Variants in RARB observed in about 807,000 individuals in gnomAD.
RARB encodes the protein HBV-activated protein.
RARB carries 17 observed loss-of-function variants against 51.9 expected under a neutral mutation model. The ratio of observed to expected loss-of-function variants is 0.33; its 90% CI spans 0.22 to 0.49. The LOEUF is 0.49. RARB is among the 20% of genes least tolerant of loss of function. RARB has a pLI of 0.99. For synonymous variants in RARB, 215 were observed against 195.4 expected (o/e 1.10, Z -0.84); for missense variants, 369 against 550.8 (o/e 0.67, Z 3.30).
intron 2 of RARB, among the ~76,000 whole-genome samples, chr3:24,967,423 TA>T (rs1272201334): frequency 6.6e-6 from 1 of 152,150 alleles, no homozygotes; most frequent in African/African-American, 2.4e-5. Flanking sequence ...AGCCGTTTTG[TA>T]AATTTGTCTC....
intron 5 of RARB, among the ~76,000 whole-genome samples, chr3:25,338,017 C>A (rs1410165688): frequency 1.3e-5 from 2 of 151,102 alleles, no homozygotes; most frequent in Admixed American, 6.6e-5. Context: ...CTATATCTTT[C>A]ACTGAACCAC....
chr3:25,039,617 G>C (rs1277158697), intron 2 of RARB, among the ~76,000 whole-genome samples: 1 of 152,176 alleles, frequency 6.6e-6, no homozygotes, highest in Non-Finnish European at 1.5e-5. Flanking sequence ...TAAAAATAAT[G>C]AAAAAGCTAA....
intron 5 of RARB, among the ~76,000 whole-genome samples, chr3:25,307,386 CAA>C (rs572540162): frequency 2.6e-4 from 33 of 127,088 alleles, no homozygotes; most frequent in African/African-American, 8.1e-4. Flanking sequence ...AACTCTGTCT[CAA>C]AAAAAAAAAA....
rs192281590 is a variant in RARB at position 25,575,881 on chromosome 3, G to C, written c.610-4665G>C. Among the ~76,000 whole-genome samples the C allele has an allele frequency of 3.7e-4, 57 of 152,290 alleles. 1 individual carries two copies. The East Asian group carries it at 0.01, about 27-fold the overall frequency. Reference sequence around the variant, plus strand: ...AGTAACACCTAGTGAGTGCAGAACTGGAGTGCATGGATGTTACCTTTCCAT... The same window carrying C: ...AGTAACACCTAGTGAGTGCAGAACTCGAGTGCATGGATGTTACCTTTCCAT... On this transcript the variant is annotated intron_variant, in intron 4 of 7. Coordinates refer to ENST00000330688, the MANE Select transcript of RARB (RefSeq NM_000965.5).
At chr3:24,975,608 A>C (rs1252308441) in intron 2 of RARB, among the ~76,000 whole-genome samples, 1 of 152,030 alleles carries the variant, frequency 6.6e-6, no homozygotes, top group Admixed American at 6.6e-5. Context: ...AGACTTAACT[A>C]GTTGGTTCTA....
chr3:25,171,722 C>T (rs893153483), intron 4 of RARB, among the ~76,000 whole-genome samples: 1 of 146,938 alleles, frequency 6.8e-6, no homozygotes, highest in Non-Finnish European at 1.5e-5. Flanking sequence ...TCAGCTCCAC[C>T]AGTTAATGAG....
At chr3:25,256,685 A>C (rs1032227540) in intron 5 of RARB, among the ~76,000 whole-genome samples, 24 of 152,150 alleles carry the variant, frequency 1.6e-4, no homozygotes, top group Admixed American at 1.1e-3. Flanking sequence ...GAAGGGTGTC[A>C]TAAATGAAAT....
chr3:25,337,263 A>G lies in RARB; in HGVS notation c.179-123930A>G, dbSNP rs182883764. On this transcript the variant is annotated intron_variant, in intron 5 of 11. Coordinates refer to the RARB transcript ENST00000383772. ...ACATTCACTACAGAATAGCAAGGCAAAATATTCCATGGATCAACAATAATT... is the reference window on the plus strand; with the variant it reads ...ACATTCACTACAGAATAGCAAGGCAGAATATTCCATGGATCAACAATAATT... Among the ~76,000 whole-genome samples the G allele has an allele frequency of 2.2e-4, 34 of 152,306 alleles. No homozygotes were observed. In the East Asian group the frequency reaches 6.0e-3, roughly 27 times the overall value.
At chr3:24,918,611 A>G (rs1232622283) in intron 2 of RARB, among the ~76,000 whole-genome samples, 1 of 152,202 alleles carries the variant, frequency 6.6e-6, no homozygotes, top group Non-Finnish European at 1.5e-5. Context: ...GGCTGGGCAC[A>G]GTGGCTCGCA....
intron 3 of RARB, among the ~76,000 whole-genome samples, chr3:25,123,857 A>G (rs1185936910): frequency 2.0e-5 from 3 of 152,174 alleles, no homozygotes; most frequent in Non-Finnish European, 4.4e-5. Flanking sequence ...CTATGGGAGA[A>G]GCTCATTTCC....
chr3:25,011,374 G>A (rs1045042895), intron 2 of RARB, among the ~76,000 whole-genome samples: 7 of 152,076 alleles, frequency 4.6e-5, no homozygotes, highest in Non-Finnish European at 7.4e-5. Flanking sequence ...AGGTGAGGGA[G>A]CAAACCATGT....
intron 2 of RARB, among the ~76,000 whole-genome samples, chr3:25,018,602 G>A (rs951856967): frequency 5.3e-5 from 8 of 152,044 alleles, no homozygotes; most frequent in Non-Finnish European, 1.5e-5. Context: ...TCTTGAAACC[G>A]AGCCCATATG....
intron 5 of RARB, among the ~76,000 whole-genome samples, chr3:25,591,875 C>A (rs1403352618): frequency 6.6e-6 from 1 of 152,160 alleles, no homozygotes; most frequent in African/African-American, 2.4e-5. Context: ...AGAAGGCTGG[C>A]TCCTAGGTCA....
chr3:25,391,064 A>AG (rs758701452), intron 5 of RARB, among the ~76,000 whole-genome samples: 6 of 152,106 alleles, frequency 3.9e-5, no homozygotes, highest in Non-Finnish European at 7.4e-5. Context: ...CCTTTCCCCC[A>AG]GGTCCCCAAA....
intron 2 of RARB, among the ~76,000 whole-genome samples, chr3:24,935,077 T>C (rs1265011077): frequency 6.6e-6 from 1 of 152,160 alleles, no homozygotes; most frequent in Non-Finnish European, 1.5e-5. Flanking sequence ...GGGGTGGATA[T>C]TTTTGAAAGG....
intron 5 of RARB, among the ~76,000 whole-genome samples, chr3:25,248,001 A>G (rs1014934833): frequency 1.3e-5 from 2 of 152,190 alleles, no homozygotes; most frequent in African/African-American, 4.8e-5. Flanking sequence ...CTATTATTGT[A>G]TTGGAATTCC....
intron 5 of RARB, among the ~76,000 whole-genome samples, chr3:25,402,315 A>G (rs9814235): frequency 0.01 from 1,545 of 152,312 alleles, 22 homozygotes; most frequent in African/African-American, 0.035. Flanking sequence ...AATGCTGGCA[A>G]GGATGTGGAG....
rs1553622849 is a variant in RARB, at chr3:25,007,600, A to AAACAAAACAAAAAAAAAAC, written c.-379-52523_-379-52522insCAAAACAAAAAAAAAACAA. ...ACAGAGTGAGACTGTCTCAAAAAAAAAAAACAAAAAAACCTCATATTTTCT... is the reference window on the plus strand; with the variant it reads ...ACAGAGTGAGACTGTCTCAAAAAAAAAACAAAACAAAAAAAAAACAAAACAAAAAAACCTCATATTTTCT... On this transcript the variant is annotated intron_variant, in intron 2 of 11. Coordinates refer to the RARB transcript ENST00000383772. Among the ~76,000 whole-genome samples, 236 of 143,346 alleles carry AAACAAAACAAAAAAAAAAC rather than the reference A, an allele frequency of 1.6e-3. 24 individuals carry two copies. The highest frequency in any genetic ancestry group is 6.3e-3 in the African/African-American group (231 of 36,488). The allele number at this position is 143,346 out of a possible 152,430, so 94.0% of individuals were successfully genotyped here. A position where few individuals can be genotyped will look rare whatever the true frequency, so the allele number is the denominator to read the frequency against.
chr3:25,374,779 T>G (rs1706406561), intron 5 of RARB, among the ~76,000 whole-genome samples: 1 of 152,178 alleles, frequency 6.6e-6, no homozygotes, highest in Non-Finnish European at 1.5e-5. Context: ...TAAACGTGTC[T>G]TCTTTTCAGA....
Sources: gnomAD v4.1 joint callset for allele counts (sites outside exome capture counted in the v4.1 genomes callset) on GRCh38, gnomAD v4.1.1 for gene constraint, MANE v1.5 for transcripts, NCBI Gene and HGNC (gene_info 2026-07-23, HGNC 2026-07-21) for gene names.